Variants in ARTN observed in about 807,000 individuals in gnomAD.
ARTN encodes neublastin.
Under a neutral mutation model 15.4 loss-of-function variants are expected in ARTN, and 9 were observed. The observed-to-expected ratio is 0.58, with a 90% confidence interval of 0.35 to 1.02. The LOEUF (loss-of-function observed/expected upper bound fraction) is 1.02. Ranked by LOEUF, ARTN falls within the 50% of genes least tolerant of loss-of-function variation. The pLI is 0.02. For synonymous variants in ARTN, 163 were observed against 155.8 expected, an observed-to-expected ratio of 1.05 and a Z score of -0.35; for missense variants, 284 against 327.9, an observed-to-expected ratio of 0.87 and a Z score of 1.03.
intron 3 of ARTN, 97 bp from the exon 4 acceptor site, chr1:43,935,996 C>G: frequency 6.5e-7 from 1 of 1,535,044 alleles, no homozygotes. Flanking sequence ...CCGGCCTGAT[C>G]TCAGCCCGAG....
chr1:43,935,641 C>G lies in ARTN; in HGVS notation c.-16C>G. ...AGCTCAACAATGGCTGATGGGCGCTCCTGGTGTTGATAGAGATGGAACTTG... is the reference window on the plus strand; with the variant it reads ...AGCTCAACAATGGCTGATGGGCGCTGCTGGTGTTGATAGAGATGGAACTTG... On this transcript the variant is annotated 5_prime_UTR_variant, in exon 3 of 5. Coordinates refer to ENST00000372359, the MANE Select transcript of ARTN (RefSeq NM_057091.3). The G allele has an allele frequency of 6.2e-7, 1 of 1,612,946 alleles. No homozygotes were observed. Among genetic ancestry groups the G allele is most frequent in the Non-Finnish European group, 8.5e-7 (1 of 1,179,526 alleles).
Position 43,936,369 on chromosome 1 carries a change from G to C in ARTN, c.267G>C (p.Ala89=). The change falls in exon 5 of 5, where the codon GCG becomes GCC. Residue 89 remains alanine, a synonymous_variant. Transcript: ENST00000372359. This position sits in a 1 kb window ranked among gnomAD's most constrained non-coding sequence, Gnocchi z 6.6. ...RRPPPQPSRP[A]PPPPAPPSAL... ...CGCCGCCGCAGCCTTCTCGGCCCGCGCCCCCGCCGCCTGCACCCCCATCTG... is the reference window on the plus strand; with the variant it reads ...CGCCGCCGCAGCCTTCTCGGCCCGCCCCCCCGCCGCCTGCACCCCCATCTG... 2 of 1,290,818 alleles carry C rather than the reference G, an allele frequency of 1.5e-6. No homozygotes were observed. The highest frequency in any genetic ancestry group is 2.0e-6 in the Non-Finnish European group (2 of 1,024,450). 80.0% of individuals were successfully genotyped at this position (1,290,818 alleles called of 1,614,324 possible).
rs775879507 is a variant in ARTN, at chr1:43,936,145, A to G, written c.113A>G (p.Glu38Gly). The change falls in exon 4 of 5, where the codon GAG (glutamate) becomes GGG (glycine). Residue 38 changes from glutamate (E) to glycine (G), a missense_variant. Physicochemically the swap from Glu to Gly is moderately conservative, Grantham distance 98. Coordinates refer to ENST00000372359, the MANE Select transcript of ARTN (RefSeq NM_057091.3). This position sits in a 1 kb window ranked among gnomAD's most constrained non-coding sequence, Gnocchi z 6.6. ...CTGGCTCTGCTGAGCAGCGTCGCAG[A>G]GGCCTCCCTGGGCTCCGCGCCCCGC... The part of the protein sequence containing the change: ...AALALLSSVA[E>G]ASLGSAPRSP... 6.3e-7 allele frequency: 1 copy of G among 1,596,860 alleles called. No homozygotes were observed. The highest frequency in any genetic ancestry group is 8.5e-7 in the Non-Finnish European group (1 of 1,177,230).
intron 2 of ARTN, 38 bp from the exon 3 acceptor site, chr1:43,935,552 G>GC: frequency 8.2e-7 from 1 of 1,223,790 alleles, no homozygotes; most frequent in Non-Finnish European, 1.2e-6. Flanking sequence ...TGGCAGGCCG[G>GC]TCCCCCACAA....
In ARTN at chr1:43,936,011, G is replaced by A; in HGVS notation, c.61-82G>A. 1 of 1,585,144 alleles carries A rather than the reference G, an allele frequency of 6.3e-7. No individual in the cohort carries two copies. The highest frequency in any genetic ancestry group is 8.7e-7 in the Non-Finnish European group (1 of 1,155,268). On this transcript the variant is annotated intron_variant, in intron 3 of 4. Coordinates refer to ENST00000372359, the MANE Select transcript of ARTN (RefSeq NM_057091.3). The surrounding 1 kb of genome is among the most constrained non-coding windows in gnomAD (Gnocchi z 6.6). ...CCGGCCTGATCTCAGCCCGAGGACA[G>A]CCCCTCCTTGAGGTCCTTCCTCCCC...
Position 43,936,702 on chromosome 1 carries a change from C to T in ARTN, c.600C>T (p.Asp200=), listed in dbSNP as rs760976812. The change falls in exon 5 of 5, where the codon GAC becomes GAT. Residue 200 remains aspartate, a synonymous_variant. Coordinates refer to ENST00000372359, the MANE Select transcript of ARTN (RefSeq NM_057091.3). The surrounding 1 kb of genome is among the most constrained non-coding windows in gnomAD (Gnocchi z 6.6). ...PTRYEAVSFM[D]VNSTWRTVDR... ...GCTACGAAGCGGTCTCCTTCATGGA[C>T]GTCAACAGCACCTGGAGAACCGTGG... 6.3e-7 allele frequency: 1 copy of T among 1,589,226 alleles called. No individual in the cohort carries two copies. Among genetic ancestry groups the T allele is most frequent in the South Asian group, 1.1e-5 (1 of 88,708 alleles).
chr1:43,934,761 G>T (rs1336489900), intron 2 of ARTN, among the ~76,000 whole-genome samples: 2 of 152,156 alleles, frequency 1.3e-5, no homozygotes, highest in East Asian at 3.9e-4. Context: ...AGGCTGGGAG[G>T]GGGACAGACC....
intron 2 of ARTN, chr1:43,935,284 G>A (rs1000076687): frequency 2.3e-5 from 6 of 255,656 alleles, no homozygotes; most frequent in Admixed American, 5.6e-5. Flanking sequence ...GACCTACAAC[G>A]CAGAGCAGGA....
chr1:43,936,341 GGCC>G lies in ARTN; in HGVS notation c.248_250del (p.Pro83del), dbSNP rs1343502989. 1 of 1,328,386 alleles carries G rather than the reference GGCC, an allele frequency of 7.5e-7. No individual in the cohort carries two copies. The highest frequency in any genetic ancestry group is 9.6e-7 in the Non-Finnish European group (1 of 1,045,730). 82.3% of individuals were successfully genotyped at this position (1,328,386 alleles called of 1,614,324 possible). A position where few individuals can be genotyped will look rare whatever the true frequency, so the allele number is the denominator to read the frequency against. On this transcript the variant is annotated inframe_deletion, in exon 5 of 5. Coordinates refer to ENST00000372359, the MANE Select transcript of ARTN (RefSeq NM_057091.3). The surrounding 1 kb of genome is among the most constrained non-coding windows in gnomAD (Gnocchi z 6.6). ...CGCTGGTGCAGTGGAAGAGCCCGGCGGCCGCCGCCGCAGCCTTCTCGGCCCGCG... is the reference window on the plus strand; with the variant it reads ...CGCTGGTGCAGTGGAAGAGCCCGGCGGCCGCCGCAGCCTTCTCGGCCCGCG...
chr1:43,934,421 T>G lies in ARTN; in HGVS notation c.-68+161T>G, dbSNP rs191956723. ...TAAGGCTGCCCTGCCTGCCTTTCCC[T>G]CCATCACGGACAACAGTCACTGGCC... On this transcript the variant is annotated intron_variant, in intron 2 of 4. Transcript: ENST00000372359. 3.3e-5 allele frequency: 5 copies of G among 152,532 alleles called. No homozygotes were observed. The East Asian group carries it at 9.6e-4, about 29-fold the overall frequency. 9.4% of individuals were successfully genotyped at this position (152,532 alleles called of 1,614,324 possible). A position where few individuals can be genotyped will look rare whatever the true frequency, so the allele number is the denominator to read the frequency against.
Position 43,936,163 on chromosome 1 carries a change from C to T in ARTN, c.131C>T (p.Ala44Val). The T allele has an allele frequency of 6.4e-7, 1 of 1,568,374 alleles. No homozygotes were observed. The highest frequency in any genetic ancestry group is 8.6e-7 in the Non-Finnish European group (1 of 1,163,410). The stretch of plus-strand genomic sequence containing the variant: ...GTCGCAGAGGCCTCCCTGGGCTCCG[C>T]GCCCCGCAGCCCTGCCCCCCGCGAA... ...SSVAEASLGS[A>V]PRSPAPREGP... The change falls in exon 4 of 5, where the codon GCG becomes GTG. Residue 44 changes from alanine (A) to valine (V), a missense_variant. By Grantham distance (64) the Ala-to-Val change is moderately conservative (BLOSUM62 0). Transcript: ENST00000372359. The surrounding 1 kb of genome is among the most constrained non-coding windows in gnomAD (Gnocchi z 6.6).
In ARTN at chr1:43,936,622, C is replaced by T. The variant is rs766437568; in HGVS notation, c.520C>T (p.Leu174=). 1 of 1,593,848 alleles carries T rather than the reference C, an allele frequency of 6.3e-7. No homozygotes were observed. The highest frequency in any genetic ancestry group is 8.5e-7 in the Non-Finnish European group (1 of 1,170,886). Residue 174 remains leucine (L), a synonymous_variant, in exon 5 of 5, where the codon CTG becomes TTG. Coordinates refer to ENST00000372359, the MANE Select transcript of ARTN (RefSeq NM_057091.3). The surrounding 1 kb of genome is among the most constrained non-coding windows in gnomAD (Gnocchi z 6.6). ...SLASLLGAGA[L]RPPPGSRPVS... The stretch of plus-strand genomic sequence containing the variant: ...GGCCAGCCTACTGGGCGCCGGGGCC[C>T]TGCGACCGCCCCCGGGCTCCCGGCC...
Position 43,936,825 on chromosome 1 carries a change from C to T in ARTN, c.*60C>T, listed in dbSNP as rs1300075926. The T allele has an allele frequency of 5.2e-6, 7 of 1,358,836 alleles. No individual in the cohort carries two copies. Among genetic ancestry groups the T allele is most frequent in the Non-Finnish European group, 6.7e-6 (7 of 1,049,080 alleles). The allele number at this position is 1,358,836 out of a possible 1,614,324, so 84.2% of individuals were successfully genotyped here. A position where few individuals can be genotyped will look rare whatever the true frequency, so the allele number is the denominator to read the frequency against. ...ACCGGTGGCTCTTCCTGCCTGGGAC[C>T]CTCCCGCAGAGTCCCACTAGCCAGC... On this transcript the variant is annotated 3_prime_UTR_variant, in exon 5 of 5. Coordinates refer to ENST00000372359, the MANE Select transcript of ARTN (RefSeq NM_057091.3). The surrounding 1 kb of genome is among the most constrained non-coding windows in gnomAD (Gnocchi z 6.6).
chr1:43,934,931 C>T (rs2085075843), intron 2 of ARTN, among the ~76,000 whole-genome samples: 1 of 152,166 alleles, frequency 6.6e-6, no homozygotes, highest in Admixed American at 6.5e-5. Flanking sequence ...CCCCTTGTGG[C>T]CACAGGAAGC....
At position 43,936,320 on chromosome 1, in the gene ARTN, G is replaced by T; in HGVS notation, c.218G>T (p.Trp73Leu). 7.4e-7 allele frequency: 1 copy of T among 1,353,852 alleles called. No individual in the cohort carries two copies. Among genetic ancestry groups the T allele is most frequent in the Non-Finnish European group, 9.4e-7 (1 of 1,061,434 alleles). The allele number at this position is 1,353,852 out of a possible 1,614,324, so 83.9% of individuals were successfully genotyped here. A position where few individuals can be genotyped will look rare whatever the true frequency, so the allele number is the denominator to read the frequency against. ...ATTCCAGGGGGACGCACGGCCCGCT[G>T]GTGCAGTGGAAGAGCCCGGCGGCCG... ...GHLPGGRTAR[W>L]CSGRARRPPP... The change falls in exon 5 of 5, where the codon TGG becomes TTG. Residue 73 changes from tryptophan (W) to leucine (L), a missense_variant. By Grantham distance (61) the Trp-to-Leu change is moderately conservative (BLOSUM62 -2). Transcript: ENST00000372359. The surrounding 1 kb of genome is among the most constrained non-coding windows in gnomAD (Gnocchi z 6.6).
In ARTN at chr1:43,936,003, C is replaced by G. The variant is rs778933996; in HGVS notation, c.61-90C>G. 5 of 1,567,650 alleles carry G rather than the reference C, an allele frequency of 3.2e-6. 1 individual carries two copies. The East Asian group carries it at 1.1e-4, about 35-fold the overall frequency. On this transcript the variant is annotated intron_variant, in intron 3 of 4. Transcript: ENST00000372359. The surrounding 1 kb of genome is among the most constrained non-coding windows in gnomAD (Gnocchi z 6.6). ...GCCCATGCCCGGCCTGATCTCAGCC[C>G]GAGGACAGCCCCTCCTTGAGGTCCT...
At position 43,936,780 on chromosome 1, in the gene ARTN, G is replaced by A; in HGVS notation, c.*15G>A. On this transcript the variant is annotated 3_prime_UTR_variant, in exon 5 of 5. Transcript: ENST00000372359. This position sits in a 1 kb window ranked among gnomAD's most constrained non-coding sequence, Gnocchi z 6.6. Reference sequence around the variant, plus strand: ...GCCTGGGCTGAGGGCTCGCTCCAGGGCTTTGCAGACTGGACCCTTACCGGT... The same window carrying A: ...GCCTGGGCTGAGGGCTCGCTCCAGGACTTTGCAGACTGGACCCTTACCGGT... The A allele has an allele frequency of 6.9e-7, 1 of 1,449,592 alleles. No individual in the cohort carries two copies. The highest frequency in any genetic ancestry group is 9.1e-7 in the Non-Finnish European group (1 of 1,093,630). The allele number at this position is 1,449,592 out of a possible 1,614,324, so 89.8% of individuals were successfully genotyped here.
intron 3 of ARTN, 82 bp downstream of exon 3, chr1:43,935,798 G>A: frequency 1.4e-6 from 2 of 1,390,752 alleles, no homozygotes; most frequent in African/African-American, 1.4e-5. Flanking sequence ...CTTGGCTTGG[G>A]CAGCGGTTAG....
chr1:43,936,555 C>G lies in ARTN; in HGVS notation c.453C>G (p.Ser151Arg). The change falls in exon 5 of 5, where the codon AGC (serine) becomes AGG (arginine). Residue 151 changes from serine to arginine, a missense_variant. Coordinates refer to ENST00000372359, the MANE Select transcript of ARTN (RefSeq NM_057091.3). This position sits in a 1 kb window ranked among gnomAD's most constrained non-coding sequence, Gnocchi z 6.6. ...AGCTGGTGCGTTTCCGCTTCTGCAG[C>G]GGCTCCTGCCGCCGCGCGCGCTCTC... ...SDELVRFRFC[S>R]GSCRRARSPH... 4 of 1,540,484 alleles carry G rather than the reference C, an allele frequency of 2.6e-6. No homozygotes were observed. Among genetic ancestry groups the G allele is most frequent in the Non-Finnish European group, 3.5e-6 (4 of 1,148,808 alleles).
Sources: gnomAD v4.1 joint callset for allele counts (sites outside exome capture counted in the v4.1 genomes callset) on GRCh38, gnomAD v4.1.1 for gene constraint, Gnocchi (gnomAD v3.1) non-coding constraint, MANE v1.5 for transcripts, NCBI Gene and HGNC (gene_info 2026-07-23, HGNC 2026-07-21) for gene names.